Variants in GNA14 observed in about 807,000 individuals in gnomAD.
GNA14 encodes the protein guanine nucleotide-binding protein subunit alpha-14.
In GNA14, 50 loss-of-function variants were observed where a neutral mutation model predicts 42.0. The ratio of observed to expected loss-of-function variants is 1.19; its 90% CI spans 0.95 to 1.51. The LOEUF is 1.51. Ranked by LOEUF, GNA14 falls within the 40% of genes most tolerant of loss-of-function variation. GNA14 has a pLI of 0.00. For synonymous variants in GNA14, 173 were observed against 163.1 expected (o/e 1.06, Z -0.46); for missense variants, 473 against 446.2 (o/e 1.06, Z -0.54).
At chr9:77,490,042 T>A (rs1429028570) in intron 2 of GNA14, among the ~76,000 whole-genome samples, 2 of 152,020 alleles carry the variant, frequency 1.3e-5, no homozygotes, top group Non-Finnish European at 2.9e-5. Flanking sequence ...ATACAAAGGT[T>A]CTCCACGTCC....
At chr9:77,515,591 G>T (rs1224405170) in intron 2 of GNA14, among the ~76,000 whole-genome samples, 1 of 152,144 alleles carries the variant, frequency 6.6e-6, no homozygotes, top group Non-Finnish European at 1.5e-5. Flanking sequence ...AAAGGTATTT[G>T]TTTGTTTGTT....
intron 2 of GNA14, among the ~76,000 whole-genome samples, chr9:77,464,333 G>A (rs1035531569): frequency 4.1e-4 from 51 of 123,436 alleles, no homozygotes; most frequent in Middle Eastern, 4.1e-3. Flanking sequence ...GTATATATAT[G>A]TGTGTGTGTG....
At chr9:77,540,050 G>T (rs1276902744) in intron 1 of GNA14, among the ~76,000 whole-genome samples, 1 of 151,716 alleles carries the variant, frequency 6.6e-6, no homozygotes, top group Non-Finnish European at 1.5e-5. Flanking sequence ...GTTTGTTCTT[G>T]TATTTTAGTT....
intron 2 of GNA14, among the ~76,000 whole-genome samples, chr9:77,514,064 C>T (rs919730148): frequency 6.6e-6 from 1 of 152,086 alleles, no homozygotes; most frequent in Non-Finnish European, 1.5e-5. Flanking sequence ...TGCAGCTCAA[C>T]AAACACATCC....
intron 1 of GNA14, among the ~76,000 whole-genome samples, chr9:77,547,764 A>C (rs1049764904): frequency 2.6e-5 from 4 of 152,246 alleles, no homozygotes; most frequent in Admixed American, 2.6e-4. Flanking sequence ...TCATCAAGTA[A>C]ATGAGTATAA....
At chr9:77,487,018 TAA>T (rs35749481) in intron 2 of GNA14, among the ~76,000 whole-genome samples, 99 of 144,664 alleles carry the variant, frequency 6.8e-4, no homozygotes, top group Middle Eastern at 3.6e-3. Flanking sequence ...TTCAATTTGT[TAA>T]AAAAAAAAAA....
intron 2 of GNA14, 131 bp from the exon 3 acceptor site, chr9:77,434,653 C>T (rs890608702): frequency 2.5e-5 from 18 of 721,424 alleles, no homozygotes; most frequent in Non-Finnish European, 3.6e-5. Flanking sequence ...TGGTGGGCAC[C>T]CTCCCAGGGG....
chr9:77,449,488 T>C (rs1168755101), intron 2 of GNA14, among the ~76,000 whole-genome samples: 2 of 152,228 alleles, frequency 1.3e-5, no homozygotes, highest in African/African-American at 4.8e-5. Context: ...TGAGGTTCAA[T>C]ATCGTATTGT....
rs1182913068 is a variant in GNA14, at chr9:77,428,071, C to CTTT, written c.723+833_723+835dup. Among the ~76,000 whole-genome samples, 232 of 130,634 alleles carry CTTT rather than the reference C, an allele frequency of 1.8e-3. 11 individuals carry two copies. In the East Asian group the frequency reaches 0.023, roughly 13 times the overall value. 85.7% of individuals were successfully genotyped at this position (130,634 alleles called of 152,430 possible). ...TTCAGTCCAAGAGATGGCATTTTTT[C>CTTT]TTTTTTTTTTTCTTTTTTTTTTTTT... On this transcript the variant is annotated intron_variant, in intron 5 of 6. Transcript: ENST00000341700.
At chr9:77,530,564 A>G (rs1046521472) in intron 1 of GNA14, among the ~76,000 whole-genome samples, 3 of 152,238 alleles carry the variant, frequency 2.0e-5, no homozygotes, top group African/African-American at 7.2e-5. Flanking sequence ...GAAACCTAAG[A>G]TTCTAATTGG....
chr9:77,593,879 A>G (rs558010394), intron 1 of GNA14, among the ~76,000 whole-genome samples: 1 of 152,360 alleles, frequency 6.6e-6, no homozygotes, highest in South Asian at 2.1e-4. Context: ...GCTTGCTTGA[A>G]AGTGTTCTTT....
intron 1 of GNA14, among the ~76,000 whole-genome samples, chr9:77,609,468 C>T (rs1407786021): frequency 1.3e-5 from 2 of 152,204 alleles, no homozygotes; most frequent in African/African-American, 4.8e-5. Context: ...CACCTCAAAA[C>T]TCTTCCATGC....
At chr9:77,567,866 CA>C (rs1822992182) in intron 1 of GNA14, among the ~76,000 whole-genome samples, 1 of 151,912 alleles carries the variant, frequency 6.6e-6, no homozygotes. Flanking sequence ...GACTCCGTCT[CA>C]AAAACAAAAA....
At chr9:77,485,008 G>T (rs1337973673) in intron 2 of GNA14, among the ~76,000 whole-genome samples, 1 of 152,160 alleles carries the variant, frequency 6.6e-6, no homozygotes, top group African/African-American at 2.4e-5. Flanking sequence ...CAGGATGGTG[G>T]TTGCTAAAGG....
Position 77,423,604 on chromosome 9 carries a change from T to G in GNA14, c.*375A>C, listed in dbSNP as rs1351257015. 6.5e-6 allele frequency: 1 copy of G among 153,856 alleles called. No individual in the cohort carries two copies. The highest frequency in any genetic ancestry group is 1.9e-4 in the East Asian group (1 of 5,266). The allele number at this position is 153,856 out of a possible 1,614,324, so 9.5% of individuals were successfully genotyped here. ...GTCACCCAAATTAACTCTAGAGGTT[T>G]GAAGGCATGATCTATAAACTAACAG... On this transcript the variant is annotated 3_prime_UTR_variant, in exon 7 of 7. Transcript: ENST00000341700.
intron 1 of GNA14, among the ~76,000 whole-genome samples, chr9:77,633,250 C>T (rs1247014587): frequency 6.6e-6 from 1 of 152,012 alleles, no homozygotes; most frequent in East Asian, 1.9e-4. Context: ...CAAAGGCTTC[C>T]AGGAGGAAGA....
At chr9:77,551,564 C>T (rs1168360505) in intron 1 of GNA14, among the ~76,000 whole-genome samples, 1 of 150,574 alleles carries the variant, frequency 6.6e-6, no homozygotes, top group Non-Finnish European at 1.5e-5. Flanking sequence ...TCTGAAGCTG[C>T]CTCCAGACTG....
At chr9:77,527,074 C>T (rs563582038) in intron 2 of GNA14, among the ~76,000 whole-genome samples, 1 of 152,244 alleles carries the variant, frequency 6.6e-6, no homozygotes, top group South Asian at 2.1e-4. Context: ...TTTACAAACC[C>T]ATCCTTGAAT....
At chr9:77,572,331 T>C (rs1401218531) in intron 1 of GNA14, among the ~76,000 whole-genome samples, 4 of 152,170 alleles carry the variant, frequency 2.6e-5, no homozygotes, top group Non-Finnish European at 5.9e-5. Context: ...GACTGAGAAA[T>C]AATATCCAAA....
Sources: gnomAD v4.1 joint callset for allele counts (sites outside exome capture counted in the v4.1 genomes callset) on GRCh38, gnomAD v4.1.1 for gene constraint, MANE v1.5 for transcripts, NCBI Gene and HGNC (gene_info 2026-07-23, HGNC 2026-07-21) for gene names.